RFWD3: variants seen among roughly 807,000 people sequenced by gnomAD.
RFWD3 encodes ring finger and WD repeat domain 3, also known as E3 ubiquitin-protein ligase RFWD3.
A neutral mutation model predicts 87.7 loss-of-function variants in RFWD3; 65 were observed. The ratio of observed to expected loss-of-function variants is 0.74; its 90% CI spans 0.61 to 0.91. The LOEUF (loss-of-function observed/expected upper bound fraction) is 0.91. Among genes scored for constraint, RFWD3 ranks in the 40% least tolerant of loss-of-function variants. The pLI is 0.00. For synonymous variants in RFWD3, 433 were observed against 352.8 expected, an observed-to-expected ratio of 1.23 and a Z score of -2.55; for missense variants, 1,078 against 938.5, an observed-to-expected ratio of 1.15 and a Z score of -1.94.
At chr16:74,634,126 C>G (rs1198267335) in intron 8 of RFWD3, among the ~76,000 whole-genome samples, 1 of 152,010 alleles carries the variant, frequency 6.6e-6, no homozygotes, top group Admixed American at 6.6e-5. Context: ...TGTTGAGAGA[C>G]AGAATATTTC....
Position 74,644,721 on chromosome 16 carries a change from C to G in RFWD3, c.807G>C (p.Lys269Asn), listed in dbSNP as rs1172371849. Residue 269 changes from lysine (K) to asparagine (N), a missense_variant, in exon 5 of 13, where the codon AAG becomes AAC. Coordinates refer to ENST00000361070, the MANE Select transcript of RFWD3 (RefSeq NM_018124.4). ...KTLPKQPSPQ[K>N]SEPLLPSASM... is the part of the protein sequence containing the mutation. Reference sequence around the variant, plus strand: ...AAGCAGAAGGTAGCAGAGGCTCAGACTTCTGGGGAGATGGCTAGATGGAAA... The same window carrying G: ...AAGCAGAAGGTAGCAGAGGCTCAGAGTTCTGGGGAGATGGCTAGATGGAAA... The G allele has an allele frequency of 6.2e-7, 1 of 1,611,996 alleles. No homozygotes were observed. The highest frequency in any genetic ancestry group is 8.5e-7 in the Non-Finnish European group (1 of 1,178,470).
intron 7 of RFWD3, 78 bp downstream of exon 7, chr16:74,637,778 G>C: frequency 9.7e-7 from 1 of 1,032,094 alleles, no homozygotes; most frequent in Non-Finnish European, 1.5e-6. Flanking sequence ...ATTTGTTTCT[G>C]AGATGAACAT....
intron 8 of RFWD3, among the ~76,000 whole-genome samples, chr16:74,633,269 C>T (rs1959160486): frequency 7.7e-6 from 1 of 129,850 alleles, no homozygotes; most frequent in Non-Finnish European, 1.6e-5. Context: ...CAGAGCAAAA[C>T]TCCGTCTCAG....
chr16:74,642,194 C>T (rs1466705539), intron 6 of RFWD3, among the ~76,000 whole-genome samples: 2 of 151,962 alleles, frequency 1.3e-5, no homozygotes, highest in East Asian at 3.9e-4. Context: ...GCAATCTCAG[C>T]TTACAGTAAC....
At chr16:74,634,595 C>A (rs1050687860) in intron 8 of RFWD3, among the ~76,000 whole-genome samples, 4 of 152,132 alleles carry the variant, frequency 2.6e-5, no homozygotes, top group African/African-American at 9.6e-5. Flanking sequence ...CACTATGTTG[C>A]CCAGACTGGT....
chr16:74,652,536 G>C (rs1960648835), intron 2 of RFWD3, among the ~76,000 whole-genome samples: 1 of 152,116 alleles, frequency 6.6e-6, no homozygotes. Flanking sequence ...CCCAGACCAA[G>C]GTATTTTGGA....
At chr16:74,636,753 A>G (rs1959206006) in intron 7 of RFWD3, among the ~76,000 whole-genome samples, 176 bp from the exon 8 acceptor site, 1 of 151,758 alleles carries the variant, frequency 6.6e-6, no homozygotes, top group African/African-American at 2.4e-5. Context: ...TCACTCTGTC[A>G]CCCAGGCTGG....
At position 74,636,333 on chromosome 16, in the gene RFWD3, C is replaced by G. The variant is rs777804678; in HGVS notation, c.1426+13G>C. On this transcript the variant is annotated intron_variant, in intron 8 of 12. Coordinates refer to ENST00000361070, the MANE Select transcript of RFWD3 (RefSeq NM_018124.4). ...AATAAAGAACATGAAAGCTGAGGTT[C>G]TAGACTCTTTACCTGGAAGAAAAGA... 2 of 1,609,174 alleles carry G rather than the reference C, an allele frequency of 1.2e-6. No individual in the cohort carries two copies. The highest frequency in any genetic ancestry group is 1.7e-6 in the Non-Finnish European group (2 of 1,175,558).
rs1179668341 is a variant in RFWD3, at chr16:74,652,126, T to C, written c.519-4A>G. On this transcript the variant is annotated splice_region_variant and splice_polypyrimidine_tract_variant and intron_variant, in intron 2 of 12. Transcript: ENST00000361070. ...AGCATCCAATGGTGCTCTCAACCTA[T>C]GTACACAGAAAGACAACGGAATTAT... 2.5e-6 allele frequency: 4 copies of C among 1,613,398 alleles called. No individual in the cohort carries two copies. The highest frequency in any genetic ancestry group is 1.1e-5 in the South Asian group (1 of 91,070).
In RFWD3 at chr16:74,624,032, G is replaced by A. The variant is rs1276194217; in HGVS notation, c.2221C>T (p.Gln741Ter). 1.2e-6 allele frequency: 2 copies of A among 1,614,034 alleles called. No individual in the cohort carries two copies. The highest frequency in any genetic ancestry group is 2.7e-5 in the African/African-American group (2 of 75,032). The stretch of plus-strand genomic sequence containing the variant: ...ATGTCCAACACAGGCTGATCGGTCT[G>A]TAGGTCCTGGAGCAACGAGCCACTG... ...AASGSLLQDL[Q>*]TDQPVLDICP... is the part of the protein sequence containing the mutation. Residue 741 changes from glutamine to a stop codon, truncating the protein, a stop_gained, in exon 13 of 13, where the codon CAG becomes TAG. Transcript: ENST00000361070. LOFTEE classifies it high-confidence loss of function.
chr16:74,666,227 T>C (rs979240729), intron 1 of RFWD3: 4 of 152,074 alleles, frequency 2.6e-5, no homozygotes, highest in African/African-American at 9.7e-5. Context: ...GATAGATTGA[T>C]TAGATACATA....
At position 74,630,780 on chromosome 16, in the gene RFWD3, C is replaced by T; in HGVS notation, c.1754+1G>A. 1 of 1,592,500 alleles carries T rather than the reference C, an allele frequency of 6.3e-7. No homozygotes were observed. Among genetic ancestry groups the T allele is most frequent in the Non-Finnish European group, 8.5e-7 (1 of 1,170,708 alleles). ...CAGGAAAAGAGTGAGTGGCTCCCTA[C>T]CTGGCTTTCTGAGCTACTAACTCCT... On this transcript the variant is annotated splice_donor_variant, in intron 10 of 12. Coordinates refer to ENST00000361070, the MANE Select transcript of RFWD3 (RefSeq NM_018124.4). LOFTEE classifies it high-confidence loss of function.
chr16:74,662,760 T>C (rs1226297657), intron 1 of RFWD3, among the ~76,000 whole-genome samples: 1 of 152,122 alleles, frequency 6.6e-6, no homozygotes, highest in Non-Finnish European at 1.5e-5. Flanking sequence ...GAATGCACTG[T>C]AGGGGTGCAA....
chr16:74,654,076 T>C (rs1960780799), intron 2 of RFWD3, among the ~76,000 whole-genome samples: 1 of 152,002 alleles, frequency 6.6e-6, no homozygotes, highest in Admixed American at 6.6e-5. Flanking sequence ...ATCATAACCA[T>C]TATCTGGTTC....
At chr16:74,635,310 A>T (rs1288895961) in intron 8 of RFWD3, among the ~76,000 whole-genome samples, 1 of 151,772 alleles carries the variant, frequency 6.6e-6, no homozygotes, top group African/African-American at 2.4e-5. Context: ...AAAAAATAAA[A>T]AAAAAAATTA....
In RFWD3 at chr16:74,664,521, C is replaced by A. The variant is rs56295454; in HGVS notation, c.-3+2265G>T. The A allele has an allele frequency of 6.7e-3, 1,022 of 152,144 alleles. 3 individuals are homozygous for A. The highest frequency in any genetic ancestry group is 0.015 in the East Asian group (75 of 5,138). The allele number at this position is 152,144 out of a possible 1,614,324, so 9.4% of individuals were successfully genotyped here. A position where few individuals can be genotyped will look rare whatever the true frequency, so the allele number is the denominator to read the frequency against. On this transcript the variant is annotated intron_variant, in intron 1 of 12. Transcript: ENST00000361070. ...ATCCCAGCACTTTGGGAGACTGAGG[C>A]AGGTAGCTGGAGACCAGGAGTTGGA... is the stretch of plus-strand genomic sequence containing the variant.
intron 2 of RFWD3, chr16:74,660,716 A>G: frequency 1.8e-6 from 1 of 547,062 alleles, no homozygotes. Flanking sequence ...GATTGCCAAC[A>G]AACTACCACC....
chr16:74,641,928 CAAAAAAAAAAAA>C (rs71158533), intron 6 of RFWD3, among the ~76,000 whole-genome samples: 1 of 52,474 alleles, frequency 1.9e-5, no homozygotes, highest in South Asian at 1.2e-3. Context: ...ACTCCGTCTC[CAAAAAAAAAAAA>C]AAAAAAAAAA....
chr16:74,653,509 A>T (rs1960728643), intron 2 of RFWD3, among the ~76,000 whole-genome samples: 1 of 151,988 alleles, frequency 6.6e-6, no homozygotes. Flanking sequence ...AAAGAAGAAG[A>T]AAAAATAAAA....
Sources: gnomAD v4.1 joint callset for allele counts (sites outside exome capture counted in the v4.1 genomes callset) on GRCh38, gnomAD v4.1.1 for gene constraint, MANE v1.5 for transcripts, NCBI Gene and HGNC (gene_info 2026-07-23, HGNC 2026-07-21) for gene names.